EZH2: variants seen among roughly 807,000 people sequenced by gnomAD.
EZH2 encodes the protein histone-lysine N-methyltransferase EZH2.
EZH2 carries 18 observed loss-of-function variants against 98.4 expected under a neutral mutation model. The ratio of observed to expected loss-of-function variants is 0.18; its 90% CI spans 0.13 to 0.27. The LOEUF (loss-of-function observed/expected upper bound fraction) is 0.27. EZH2 is among the 10% of genes least tolerant of loss of function. EZH2 has a pLI of 1.00. For missense variants in EZH2, 470 were observed against 935.1 expected (o/e 0.50, Z 6.49); for synonymous variants, 338 against 312.3 (o/e 1.08, Z -0.87).
At chr7:148,847,604 A>G (rs1026410837) in intron 1 of EZH2, among the ~76,000 whole-genome samples, 9 of 152,356 alleles carry the variant, frequency 5.9e-5, no homozygotes, top group South Asian at 2.1e-4. Flanking sequence ...ATCACAACCT[A>G]GTTTTCAACT....
intron 1 of EZH2, among the ~76,000 whole-genome samples, chr7:148,854,435 CAAA>C (rs59202218): frequency 2.3e-5 from 2 of 87,452 alleles, no homozygotes; most frequent in East Asian, 4.2e-4. Flanking sequence ...GACTCCGTCT[CAAA>C]AAAAAAAAAA....
chr7:148,852,039 A>C (rs890088501), intron 1 of EZH2, among the ~76,000 whole-genome samples: 1 of 152,244 alleles, frequency 6.6e-6, no homozygotes, highest in Admixed American at 6.5e-5. Flanking sequence ...AACTTTATCC[A>C]GAATACAAAA....
chr7:148,845,445 C>T (rs985849381), intron 3 of EZH2, among the ~76,000 whole-genome samples: 9 of 152,130 alleles, frequency 5.9e-5, no homozygotes, highest in Admixed American at 1.3e-4. Context: ...TAACAAAACG[C>T]ATAAATGACT....
At chr7:148,844,388 A>G (rs1485743158) in intron 3 of EZH2, among the ~76,000 whole-genome samples, 1 of 152,216 alleles carries the variant, frequency 6.6e-6, no homozygotes, top group African/African-American at 2.4e-5. Context: ...TCTGGCTTCT[A>G]AAAGTCAGTG....
rs147319809 is a variant in EZH2 at position 148,829,738 on chromosome 7, G to A, written c.474C>T (p.His158=). The A allele has an allele frequency of 7.5e-5, 121 of 1,608,580 alleles. 1 individual carries two copies. The highest frequency in any genetic ancestry group is 3.0e-4 in the Admixed American group (18 of 59,084). ...AAGCATATGGCTCACCTCTATCCCCGTGTACTTTCCCATCATAATTTTTTA... is the reference window on the plus strand; with the variant it reads ...AAGCATATGGCTCACCTCTATCCCCATGTACTTTCCCATCATAATTTTTTA... ...ELIKNYDGKV[H]GDRECGFIND... The change falls in exon 5 of 20, where the codon CAC becomes CAT. Residue 158 remains histidine (H), a synonymous_variant. Coordinates refer to ENST00000320356, the MANE Select transcript of EZH2 (RefSeq NM_004456.5).
intron 1 of EZH2, among the ~76,000 whole-genome samples, chr7:148,864,683 C>CAAAAA (rs200348491): frequency 1.2e-5 from 1 of 81,478 alleles, no homozygotes; most frequent in Non-Finnish European, 2.6e-5. Context: ...GAGACTGTCT[C>CAAAAA]AAAAAAAAAA....
chr7:148,860,733 G>A (rs1326485061), intron 1 of EZH2, among the ~76,000 whole-genome samples: 2 of 152,086 alleles, frequency 1.3e-5, no homozygotes, highest in African/African-American at 2.4e-5. Flanking sequence ...GTGCACTGGC[G>A]CAATCACGGC....
chr7:148,870,980 T>C (rs1338048716), intron 1 of EZH2, among the ~76,000 whole-genome samples: 1 of 151,840 alleles, frequency 6.6e-6, no homozygotes, highest in Non-Finnish European at 1.5e-5. Flanking sequence ...ATAATAGTCA[T>C]AAGGACAAAT....
At chr7:148,849,136 C>G (rs1337815056) in intron 1 of EZH2, among the ~76,000 whole-genome samples, 1 of 151,920 alleles carries the variant, frequency 6.6e-6, no homozygotes, top group Non-Finnish European at 1.5e-5. Flanking sequence ...TTATCTGCAG[C>G]TGGTTAAATC....
chr7:148,882,964 T>C lies in EZH2; in HGVS notation c.-8+1200A>G, dbSNP rs571715695. Among the ~76,000 whole-genome samples the C allele has an allele frequency of 4.2e-4, 64 of 152,360 alleles. No individual in the cohort carries two copies. The Middle Eastern group carries it at 0.017, about 40-fold the overall frequency. ...GTTCACAGAAAACGAGACCAATTAA[T>C]AAGAAACTGCTAACCGTATAATCTA... On this transcript the variant is annotated intron_variant, in intron 1 of 19. Coordinates refer to ENST00000320356, the MANE Select transcript of EZH2 (RefSeq NM_004456.5).
At chr7:148,873,934 G>A (rs1215227017) in intron 1 of EZH2, among the ~76,000 whole-genome samples, 3 of 152,160 alleles carry the variant, frequency 2.0e-5, no homozygotes, top group African/African-American at 7.2e-5. Context: ...TGGTTGGGAT[G>A]GGAGAGGGGT....
intron 1 of EZH2, among the ~76,000 whole-genome samples, chr7:148,869,701 C>T (rs1563068214): frequency 6.6e-6 from 1 of 152,226 alleles, no homozygotes; most frequent in Non-Finnish European, 1.5e-5. Flanking sequence ...TTACTAATTA[C>T]TTCATCTGCA....
intron 3 of EZH2, among the ~76,000 whole-genome samples, chr7:148,837,705 TGAAAA>T (rs780154303): frequency 3.9e-5 from 6 of 152,136 alleles, no homozygotes; most frequent in Middle Eastern, 3.4e-3. Flanking sequence ...AGACGACACT[TGAAAA>T]GAAATGAGTC....
Position 148,834,352 on chromosome 7 carries a change from TACACACACACACAC to T in EZH2, c.247-1616_247-1603del, listed in dbSNP as rs10542159. ...TGAAAAATCATTATATATATATATA[TACACACACACACAC>T]ACACACACACACACACATATTAAAT... On this transcript the variant is annotated intron_variant, in intron 3 of 19. Coordinates refer to ENST00000320356, the MANE Select transcript of EZH2 (RefSeq NM_004456.5). Among the ~76,000 whole-genome samples, 22 of 143,320 alleles carry T rather than the reference TACACACACACACAC, an allele frequency of 1.5e-4. 1 individual carries two copies. In the East Asian group the frequency reaches 1.8e-3, roughly 12 times the overall value. The allele number at this position is 143,320 out of a possible 152,430, so 94.0% of individuals were successfully genotyped here. A position where few individuals can be genotyped will look rare whatever the true frequency, so the allele number is the denominator to read the frequency against.
chr7:148,849,184 A>G (rs1219469350), intron 1 of EZH2, among the ~76,000 whole-genome samples: 2 of 152,150 alleles, frequency 1.3e-5, no homozygotes, highest in Non-Finnish European at 2.9e-5. Context: ...ACTCACGGAT[A>G]TGGAAGGCTG....
At chr7:148,826,403 A>G (rs1807730902) in intron 8 of EZH2, 51 bp downstream of exon 8, 2 of 1,416,440 alleles carry the variant, frequency 1.4e-6, no homozygotes, top group Non-Finnish European at 1.9e-6. Context: ...AGCACTCTCC[A>G]AGCTGCTTTA....
At chr7:148,836,612 C>T (rs1250610524) in intron 3 of EZH2, among the ~76,000 whole-genome samples, 5 of 152,142 alleles carry the variant, frequency 3.3e-5, no homozygotes, top group Non-Finnish European at 7.3e-5. Flanking sequence ...GACTCAGGAA[C>T]TTACTAGGAG....
At chr7:148,807,840 A>C in intron 19 of EZH2, 134 bp from the exon 20 acceptor site, 1 of 621,650 alleles carries the variant, frequency 1.6e-6, no homozygotes, top group Non-Finnish European at 2.8e-6. Context: ...AAAAAAACCC[A>C]TCCAATTACA....
At chr7:148,813,123 G>A (rs1035229315) in intron 15 of EZH2, among the ~76,000 whole-genome samples, 4 of 151,828 alleles carry the variant, frequency 2.6e-5, no homozygotes, top group Non-Finnish European at 5.9e-5. Flanking sequence ...TGGAGGATTT[G>A]ATCTCCTGCT....
Sources: allele counts gnomAD v4.1 joint callset (sites outside exome capture counted in the v4.1 genomes callset), GRCh38; gene constraint gnomAD v4.1.1; transcripts MANE v1.5; gene names NCBI Gene and HGNC (gene_info 2026-07-23, HGNC 2026-07-21).